The following CPLX2 variants were observed in gnomAD, a reference collection of about 807,000 sequenced individuals.
CPLX2 encodes complexin 2.
A neutral mutation model predicts 16.3 loss-of-function variants in CPLX2; 5 were observed. The ratio of observed to expected loss-of-function variants is 0.31; its 90% CI spans 0.16 to 0.64. The LOEUF (loss-of-function observed/expected upper bound fraction) is 0.64, where lower values mean the gene tolerates loss of function less well. Ranked by LOEUF, CPLX2 falls within the 30% of genes least tolerant of loss-of-function variation. The probability of loss-of-function intolerance (pLI) is 0.79; values close to 1 mark genes in which losing one functional copy is unlikely to be tolerated. For synonymous variants in CPLX2, 89 were observed against 73.2 expected, an observed-to-expected ratio of 1.22 and a Z score of -1.10; for missense variants, 144 against 181.4, an observed-to-expected ratio of 0.79 and a Z score of 1.18.
intron 2 of CPLX2, among the ~76,000 whole-genome samples, chr5:175,835,908 T>C (rs982108076): frequency 2.0e-4 from 30 of 151,828 alleles, no homozygotes; most frequent in Non-Finnish European, 8.8e-5. Context: ...CTAGCTAAGT[T>C]TCATATTTTT....
intron 2 of CPLX2, among the ~76,000 whole-genome samples, chr5:175,835,464 G>A (rs1758811801): frequency 6.6e-6 from 1 of 152,142 alleles, no homozygotes; most frequent in African/African-American, 2.4e-5. Context: ...AAGAGGCCAG[G>A]TAAATTAGCT....
intron 2 of CPLX2, among the ~76,000 whole-genome samples, chr5:175,833,183 GGAAAA>G (rs1758763847): frequency 6.8e-6 from 1 of 146,842 alleles, no homozygotes; most frequent in African/African-American, 2.5e-5. Flanking sequence ...AGAAAAGAAA[GGAAAA>G]GAAAAAAGGA....
At chr5:175,824,770 T>C (rs1019501243) in intron 2 of CPLX2, among the ~76,000 whole-genome samples, 3 of 152,168 alleles carry the variant, frequency 2.0e-5, no homozygotes, top group African/African-American at 4.8e-5. Context: ...GAGGAAGAAA[T>C]TGAGCATCAA....
intron 2 of CPLX2, among the ~76,000 whole-genome samples, chr5:175,829,860 G>A (rs1383798456): frequency 5.3e-5 from 8 of 152,216 alleles, no homozygotes. Flanking sequence ...CGCAGACCTA[G>A]CTGGGGCCAC....
chr5:175,878,969 G>T lies in CPLX2; in HGVS notation c.93G>T (p.Gln31His). 6.2e-7 allele frequency: 1 copy of T among 1,609,280 alleles called. No individual in the cohort carries two copies. Among genetic ancestry groups the T allele is most frequent in the East Asian group, 2.2e-5 (1 of 44,682 alleles). ...AGGAGGAGAAGGACCCCGACGCGCAGAAAAAGGAGGAGGAGCGGCAGGAGG... is the reference window on the plus strand; with the variant it reads ...AGGAGGAGAAGGACCCCGACGCGCATAAAAAGGAGGAGGAGCGGCAGGAGG... ...GGEEEKDPDA[Q>H]KKEEERQEAL... The change falls in exon 3 of 4, where the codon CAG becomes CAT. Residue 31 changes from glutamine to histidine, a missense_variant. Transcript: ENST00000393745.
intron 2 of CPLX2, among the ~76,000 whole-genome samples, chr5:175,825,440 T>G (rs186559592): frequency 6.6e-6 from 1 of 152,018 alleles, no homozygotes; most frequent in African/African-American, 2.4e-5. Flanking sequence ...GCACAATACT[T>G]AGAAATGGCA....
At chr5:175,867,706 A>G (rs1205820982), upstream of CPLX2, among the ~76,000 whole-genome samples, 2 of 151,930 alleles carry the variant, frequency 1.3e-5, no homozygotes, top group African/African-American at 4.8e-5. Flanking sequence ...AGAGTCAGAG[A>G]CGCACGCCTG....
At chr5:175,878,553 G>A in intron 1 of CPLX2, 99 bp from the exon 2 acceptor site, 1 of 646,162 alleles carries the variant, frequency 1.5e-6, no homozygotes. Flanking sequence ...AGCGATGGGT[G>A]CCTGGTGTCT....
chr5:175,852,365 G>A (rs1759173905), intron 2 of CPLX2, among the ~76,000 whole-genome samples: 1 of 152,230 alleles, frequency 6.6e-6, no homozygotes, highest in African/African-American at 2.4e-5. Context: ...ATGGAGGAGA[G>A]AAGATTTGAG....
chr5:175,876,897 C>T (rs1386993683), intron 1 of CPLX2, among the ~76,000 whole-genome samples: 1 of 152,192 alleles, frequency 6.6e-6, no homozygotes, highest in Non-Finnish European at 1.5e-5. Context: ...AGCTGAGCAA[C>T]CTGCAAACTC....
intron 2 of CPLX2, among the ~76,000 whole-genome samples, chr5:175,847,223 G>A (rs1037320075): frequency 1.3e-5 from 2 of 152,196 alleles, no homozygotes; most frequent in Non-Finnish European, 2.9e-5. Flanking sequence ...GATTCTTCTG[G>A]CAGCACAGAC....
chr5:175,877,006 G>A (rs546714185), intron 1 of CPLX2, among the ~76,000 whole-genome samples: 63 of 152,188 alleles, frequency 4.1e-4, no homozygotes, highest in Non-Finnish European at 7.2e-4. Flanking sequence ...AGTCGGCAAC[G>A]GCTGACATTT....
chr5:175,829,708 G>A (rs940786910), intron 2 of CPLX2, among the ~76,000 whole-genome samples: 2 of 152,216 alleles, frequency 1.3e-5, no homozygotes, highest in Admixed American at 6.5e-5. Context: ...ACCCTGTAAT[G>A]TGGAGAGCAG....
chr5:175,818,430 G>A (rs17065525), intron 2 of CPLX2, among the ~76,000 whole-genome samples: 28,112 of 151,948 alleles, frequency 0.19, 3,101 homozygotes, highest in African/African-American at 0.3. Context: ...ATGGAAGGGC[G>A]AGTTGTTTTT....
intron 1 of CPLX2, among the ~76,000 whole-genome samples, chr5:175,807,019 C>T (rs1758219379): frequency 6.6e-6 from 1 of 152,176 alleles, no homozygotes; most frequent in South Asian, 2.1e-4. Flanking sequence ...AGTAAATACA[C>T]TGAAGGTGGT....
rs1200440859 is a variant in CPLX2, at chr5:175,883,075, C to A, written c.*3030C>A. 6.6e-6 allele frequency: 1 copy of A among 152,184 alleles called. No individual in the cohort carries two copies. Among genetic ancestry groups the A allele is most frequent in the African/African-American group, 2.4e-5 (1 of 41,396 alleles). The allele number at this position is 152,184 out of a possible 1,614,324, so 9.4% of individuals were successfully genotyped here. On this transcript the variant is annotated 3_prime_UTR_variant, in exon 4 of 4. Coordinates refer to ENST00000393745, the MANE Select transcript of CPLX2 (RefSeq NM_001008220.2). The stretch of plus-strand genomic sequence containing the variant: ...GCACACAACACACAAGGGAGAGAAC[C>A]CCCAGATGAGAAAATAGGAAGGAGC...
At chr5:175,805,580 C>G (rs1299593718) in intron 1 of CPLX2, 1 of 152,422 alleles carries the variant, frequency 6.6e-6, no homozygotes, top group Non-Finnish European at 1.5e-5. Context: ...GGCCAGCCTC[C>G]ACCTGATGAG....
chr5:175,876,993 T>C (rs1020957545), intron 1 of CPLX2, among the ~76,000 whole-genome samples: 11 of 152,196 alleles, frequency 7.2e-5, no homozygotes, highest in African/African-American at 1.7e-4. Context: ...TCCACAAATA[T>C]GTAGTCGGCA....
chr5:175,867,004 C>T (rs184101999), upstream of CPLX2, among the ~76,000 whole-genome samples: 1 of 152,178 alleles, frequency 6.6e-6, no homozygotes, highest in East Asian at 1.9e-4. Flanking sequence ...GAGCTCAGGA[C>T]TTCAGGGCTG....
Sources: allele counts gnomAD v4.1 joint callset (sites outside exome capture counted in the v4.1 genomes callset), GRCh38; gene constraint gnomAD v4.1.1; transcripts MANE v1.5; gene names NCBI Gene and HGNC (gene_info 2026-07-23, HGNC 2026-07-21).